The following VPS54 variants were observed in gnomAD, a reference collection of about 807,000 sequenced individuals.
VPS54 encodes the protein vacuolar protein sorting-associated protein 54.
A neutral mutation model predicts 121.5 loss-of-function variants in VPS54; 45 were observed. That is an observed-to-expected ratio of 0.37 (90% confidence interval 0.29 to 0.47). VPS54 has a LOEUF of 0.47. VPS54 is among the 20% of genes least tolerant of loss of function. The pLI is 0.99. For synonymous variants in VPS54, 371 were observed against 385.8 expected (o/e 0.96, Z 0.45); for missense variants, 1,090 against 1,131.4 (o/e 0.96, Z 0.52).
intron 14 of VPS54, 39 bp from the exon 15 acceptor site, chr2:63,920,034 AT>A (rs758961803): frequency 7.3e-5 from 110 of 1,511,338 alleles, no homozygotes; most frequent in Middle Eastern, 3.4e-4. Flanking sequence ...AAACTTTAAC[AT>A]TTCAATACCA....
At chr2:63,954,053 T>C (rs1196021749) in intron 7 of VPS54, among the ~76,000 whole-genome samples, 1 of 152,170 alleles carries the variant, frequency 6.6e-6, no homozygotes, top group African/African-American at 2.4e-5. Flanking sequence ...TACAAAAGCC[T>C]AGAAATAATG....
At chr2:63,955,613 T>G (rs1037365193) in intron 7 of VPS54, among the ~76,000 whole-genome samples, 2 of 152,060 alleles carry the variant, frequency 1.3e-5, no homozygotes, top group African/African-American at 4.8e-5. Context: ...TTCAATTATC[T>G]AATACAGGCT....
At position 63,893,420 on chromosome 2, in the gene VPS54, C is replaced by T. The variant is rs557203508; in HGVS notation, c.*10G>A. On this transcript the variant is annotated 3_prime_UTR_variant, in exon 23 of 23. Transcript: ENST00000272322. ...TGGTCAGATGAACTACCCAGTTTTCCAGGATGACATCACCTCTTCTGCTCC... is the reference window on the plus strand; with the variant it reads ...TGGTCAGATGAACTACCCAGTTTTCTAGGATGACATCACCTCTTCTGCTCC... 1.5e-5 allele frequency: 24 copies of T among 1,610,406 alleles called. No homozygotes were observed. In the East Asian group the frequency reaches 4.0e-4, roughly 27 times the overall value.
chr2:64,010,614 T>C (rs191033308), intron 1 of VPS54, among the ~76,000 whole-genome samples: 5 of 152,372 alleles, frequency 3.3e-5, no homozygotes, highest in African/African-American at 7.2e-5. Context: ...AGCCAATTTC[T>C]GGCAAATGTA....
intron 20 of VPS54, among the ~76,000 whole-genome samples, chr2:63,902,942 T>G (rs1233881031): frequency 6.6e-6 from 1 of 151,964 alleles, no homozygotes; most frequent in Non-Finnish European, 1.5e-5. Flanking sequence ...TGCTCCAGCC[T>G]GGGCGAAAGA....
chr2:63,965,358 C>T (rs1450687901), intron 6 of VPS54, among the ~76,000 whole-genome samples: 1 of 152,108 alleles, frequency 6.6e-6, no homozygotes, highest in Admixed American at 6.6e-5. Flanking sequence ...CACCTGTAGT[C>T]CCAGCTACTT....
At chr2:63,934,075 A>G (rs959181534) in intron 11 of VPS54, 62 bp from the exon 12 acceptor site, 1 of 1,424,012 alleles carries the variant, frequency 7.0e-7, no homozygotes, top group African/African-American at 1.4e-5. Context: ...AAGTTCCCAA[A>G]AGAGAATTCT....
At chr2:63,974,178 T>C (rs569185899) in intron 3 of VPS54, among the ~76,000 whole-genome samples, 1 of 152,348 alleles carries the variant, frequency 6.6e-6, no homozygotes, top group East Asian at 1.9e-4. Flanking sequence ...TGTGGATGTA[T>C]AGTTGTTTCA....
chr2:63,939,234 T>C (rs1414466968), intron 11 of VPS54, among the ~76,000 whole-genome samples: 2 of 152,086 alleles, frequency 1.3e-5, no homozygotes, highest in African/African-American at 4.8e-5. Context: ...TAGCTAGACA[T>C]GGTGGCGTGC....
chr2:63,923,970 T>C (rs1229650688), intron 12 of VPS54, among the ~76,000 whole-genome samples: 1 of 152,246 alleles, frequency 6.6e-6, no homozygotes, highest in African/African-American at 2.4e-5. Flanking sequence ...ACTCAATTCA[T>C]TGCCCCTTTG....
At chr2:64,001,704 A>G (rs1385407962) in intron 1 of VPS54, among the ~76,000 whole-genome samples, 2 of 152,006 alleles carry the variant, frequency 1.3e-5, no homozygotes, top group South Asian at 2.1e-4. Context: ...CCAGTACCCT[A>G]TCCTACTGTG....
At chr2:63,913,861 C>T (rs1673260643) in intron 17 of VPS54, 2 of 1,091,180 alleles carry the variant, frequency 1.8e-6, no homozygotes, top group Non-Finnish European at 2.2e-6. Flanking sequence ...CAGTGAATTC[C>T]TTCCATGCAC....
At chr2:63,999,072 G>A (rs1677747027) in intron 1 of VPS54, among the ~76,000 whole-genome samples, 1 of 152,050 alleles carries the variant, frequency 6.6e-6, no homozygotes, top group Admixed American at 6.5e-5. Context: ...TCAGCCTCCT[G>A]AGTAGCTGGG....
At chr2:63,945,321 G>T (rs1407676913) in intron 9 of VPS54, among the ~76,000 whole-genome samples, 2 of 152,160 alleles carry the variant, frequency 1.3e-5, no homozygotes, top group African/African-American at 4.8e-5. Flanking sequence ...GTTCTCACTT[G>T]TAAGTGGGAG....
chr2:63,988,584 A>G (rs968761583), intron 1 of VPS54, among the ~76,000 whole-genome samples: 1 of 152,210 alleles, frequency 6.6e-6, no homozygotes, highest in Non-Finnish European at 1.5e-5. Flanking sequence ...TCTTTACTGC[A>G]ATCTCTGAAC....
At chr2:63,963,489 G>A (rs762741546) in intron 6 of VPS54, among the ~76,000 whole-genome samples, 2 of 151,898 alleles carry the variant, frequency 1.3e-5, no homozygotes, top group Non-Finnish European at 2.9e-5. Flanking sequence ...AATGTCTTGG[G>A]ATAATTCATA....
chr2:63,936,795 T>C (rs558149796), intron 11 of VPS54, among the ~76,000 whole-genome samples: 3 of 152,296 alleles, frequency 2.0e-5, no homozygotes, highest in Non-Finnish European at 4.4e-5. Context: ...CAGTGTGGTA[T>C]TGGCATAAAG....
intron 7 of VPS54, among the ~76,000 whole-genome samples, chr2:63,955,636 T>G (rs1448324152): frequency 6.6e-6 from 1 of 152,034 alleles, no homozygotes; most frequent in African/African-American, 2.4e-5. Context: ...ATAATTAATT[T>G]AATAAAGAAC....
chr2:64,015,093 TCTC>T (rs935240409), intron 1 of VPS54, among the ~76,000 whole-genome samples: 4 of 151,960 alleles, frequency 2.6e-5, no homozygotes, highest in South Asian at 2.1e-4. Flanking sequence ...TTAGCTTACT[TCTC>T]CTTTCTTGGT....
Sources: allele counts gnomAD v4.1 joint callset (sites outside exome capture counted in the v4.1 genomes callset), GRCh38; gene constraint gnomAD v4.1.1; transcripts MANE v1.5; gene names NCBI Gene and HGNC (gene_info 2026-07-23, HGNC 2026-07-21).